SLC1A3: variants seen among roughly 807,000 people sequenced by gnomAD.
SLC1A3 encodes excitatory amino acid transporter 1.
In SLC1A3, 21 loss-of-function variants were observed where a neutral mutation model predicts 48.1. The ratio of observed to expected loss-of-function variants is 0.44; its 90% CI spans 0.31 to 0.63. The LOEUF (loss-of-function observed/expected upper bound fraction) is 0.63. SLC1A3 is among the 20% of genes least tolerant of loss of function. The pLI is 0.08. For synonymous variants in SLC1A3, 239 were observed against 251.4 expected (o/e 0.95, Z 0.47); for missense variants, 546 against 689.0 (o/e 0.79, Z 2.32).
chr5:36,599,836 A>G (rs1013211245), intron 1 of SLC1A3, among the ~76,000 whole-genome samples: 4 of 150,126 alleles, frequency 2.7e-5, no homozygotes, highest in Non-Finnish European at 4.4e-5. Flanking sequence ...TATTTATTTG[A>G]GACGGAGTTT....
rs575607537 is a variant in SLC1A3 at position 36,616,065 on chromosome 5, G to A, written c.181+7461G>A. On this transcript the variant is annotated intron_variant, in intron 2 of 9. Transcript: ENST00000265113. ...ACAAAAATTAGCCAGGCGCGGTGGC[G>A]GCTGCCTGTAATCCCAGCTACTCGG... is the stretch of plus-strand genomic sequence containing the variant. Among the ~76,000 whole-genome samples, 47 of 152,198 alleles carry A rather than the reference G, an allele frequency of 3.1e-4. 1 individual carries two copies. The highest frequency in any genetic ancestry group is 1.0e-3 in the African/African-American group (42 of 41,532).
intron 3 of SLC1A3, among the ~76,000 whole-genome samples, chr5:36,645,121 C>T (rs1397044007): frequency 6.6e-6 from 1 of 152,010 alleles, no homozygotes; most frequent in Non-Finnish European, 1.5e-5. Context: ...CATTATAATG[C>T]TTTTTATTAT....
intron 2 of SLC1A3, among the ~76,000 whole-genome samples, chr5:36,615,318 A>C (rs905428635): frequency 5.9e-5 from 9 of 152,358 alleles, no homozygotes; most frequent in African/African-American, 1.7e-4. Flanking sequence ...TTTTAAGTCT[A>C]GTTTATCTTC....
intron 3 of SLC1A3, among the ~76,000 whole-genome samples, chr5:36,662,089 G>T (rs948993993): frequency 3.3e-5 from 5 of 152,216 alleles, no homozygotes; most frequent in African/African-American, 1.2e-4. Context: ...GAGACAGGCT[G>T]GGGCTCTGGC....
chr5:36,659,854 T>C (rs1264074490), intron 3 of SLC1A3, among the ~76,000 whole-genome samples: 1 of 152,204 alleles, frequency 6.6e-6, no homozygotes, highest in African/African-American at 2.4e-5. Flanking sequence ...AAAATTTTAA[T>C]TGTAGGAGTA....
At chr5:36,664,134 CTGT>C (rs1317903322) in intron 3 of SLC1A3, among the ~76,000 whole-genome samples, 3 of 152,152 alleles carry the variant, frequency 2.0e-5, no homozygotes, top group East Asian at 3.9e-4. Flanking sequence ...CTTTTTGTTG[CTGT>C]TGTTGTTGTT....
intron 3 of SLC1A3, among the ~76,000 whole-genome samples, chr5:36,646,925 G>A (rs1419065020): frequency 6.6e-6 from 1 of 152,128 alleles, no homozygotes; most frequent in Non-Finnish European, 1.5e-5. Context: ...GTGATGTGAG[G>A]GAAGCAGAGC....
At chr5:36,651,609 C>T (rs1269562202) in intron 3 of SLC1A3, among the ~76,000 whole-genome samples, 1 of 141,538 alleles carries the variant, frequency 7.1e-6, no homozygotes, top group African/African-American at 2.6e-5. Context: ...GCTTCTTCAC[C>T]TGAAACCCCT....
intron 1 of SLC1A3, chr5:36,607,421 G>A (rs185631131): frequency 2.0e-5 from 3 of 152,274 alleles, no homozygotes; most frequent in Admixed American, 2.0e-4. Flanking sequence ...TTTCCACCAG[G>A]AAAGAGATTT....
At position 36,622,825 on chromosome 5, in the gene SLC1A3, C is replaced by A. The variant is rs546870977; in HGVS notation, c.182-6625C>A. On this transcript the variant is annotated intron_variant, in intron 2 of 9. Transcript: ENST00000265113. ...AGGAGATCGAGACCATCTTGTCTAA[C>A]ACTGTGAAACCCCGTCACTAAAAAA... is the stretch of plus-strand genomic sequence containing the variant. Among the ~76,000 whole-genome samples the A allele has an allele frequency of 2.0e-5, 3 of 150,238 alleles. No homozygotes were observed. In the East Asian group the frequency reaches 5.9e-4, roughly 30 times the overall value.
At chr5:36,670,625 G>A (rs1213282235) in intron 3 of SLC1A3, among the ~76,000 whole-genome samples, 1 of 152,132 alleles carries the variant, frequency 6.6e-6, no homozygotes, top group Non-Finnish European at 1.5e-5. Flanking sequence ...TATCCTGCCA[G>A]AAAAATGTTT....
At position 36,664,173 on chromosome 5, in the gene SLC1A3, G is replaced by A. The variant is rs890605216; in HGVS notation, c.320-6856G>A. On this transcript the variant is annotated intron_variant, in intron 3 of 9. Transcript: ENST00000265113. ...TTTAGACAGAGTTTCGCTCTTTTTT[G>A]CCCAGGCTGGAGTGCAATGGCATGA... is the stretch of plus-strand genomic sequence containing the variant. 2.6e-5 allele frequency among the ~76,000 whole-genome samples: 4 copies of A among 151,776 alleles called. No homozygotes were observed. The East Asian group carries it at 5.8e-4, about 22-fold the overall frequency.
chr5:36,625,683 T>C (rs1739875528), intron 2 of SLC1A3, among the ~76,000 whole-genome samples: 2 of 152,310 alleles, frequency 1.3e-5, no homozygotes, highest in Admixed American at 1.3e-4. Flanking sequence ...TGTGTCTGAA[T>C]CTACTATCAC....
intron 2 of SLC1A3, chr5:36,608,915 G>A (rs966913746): frequency 1.9e-6 from 2 of 1,079,188 alleles, no homozygotes; most frequent in Non-Finnish European, 2.2e-6. Context: ...GCATGACAAA[G>A]CAAGCATGCT....
intron 2 of SLC1A3, among the ~76,000 whole-genome samples, chr5:36,627,892 G>A (rs1489142521): frequency 1.3e-5 from 2 of 152,182 alleles, no homozygotes; most frequent in African/African-American, 4.8e-5. Context: ...AGTTCATCGT[G>A]ATTAGGTTTC....
chr5:36,627,484 T>A (rs1305498083), intron 2 of SLC1A3, among the ~76,000 whole-genome samples: 1 of 146,790 alleles, frequency 6.8e-6, no homozygotes, highest in Non-Finnish European at 1.5e-5. Flanking sequence ...TCCCTTTCTC[T>A]AAAACTACAC....
intron 2 of SLC1A3, among the ~76,000 whole-genome samples, chr5:36,619,977 A>G (rs1310943223): frequency 1.3e-5 from 2 of 152,200 alleles, no homozygotes; most frequent in Non-Finnish European, 2.9e-5. Context: ...GATCTTAGAC[A>G]CCACCCATTC....
At chr5:36,676,825 CA>C in intron 5 of SLC1A3, 66 bp from the exon 6 acceptor site, 1 of 1,246,372 alleles carries the variant, frequency 8.0e-7, no homozygotes, top group Non-Finnish European at 1.1e-6. Flanking sequence ...GAAAATTTGA[CA>C]ATAGGAAAAT....
At chr5:36,604,446 C>A (rs984446273), upstream of SLC1A3, among the ~76,000 whole-genome samples, 2 of 152,120 alleles carry the variant, frequency 1.3e-5, no homozygotes, top group African/African-American at 2.4e-5. Context: ...ATGACTTTTG[C>A]TATAGCTTTC....
Sources: gnomAD v4.1 joint callset for allele counts (sites outside exome capture counted in the v4.1 genomes callset) on GRCh38, gnomAD v4.1.1 for gene constraint, MANE v1.5 for transcripts, NCBI Gene and HGNC (gene_info 2026-07-23, HGNC 2026-07-21) for gene names.